The following SIX5 variants were observed in gnomAD, a reference collection of about 807,000 sequenced individuals.
SIX5 encodes the protein homeobox protein SIX5.
Under a neutral mutation model 37.1 loss-of-function variants are expected in SIX5, and 21 were observed. The observed-to-expected ratio is 0.57, with a 90% confidence interval of 0.40 to 0.81. The LOEUF is 0.81. Among genes scored for constraint, SIX5 ranks in the 40% least tolerant of loss-of-function variants. The probability of loss-of-function intolerance (pLI) is 0.00; values close to 1 mark genes in which losing one functional copy is unlikely to be tolerated. For missense variants in SIX5, 1,137 were observed against 1,025.1 expected, an observed-to-expected ratio of 1.11 and a Z score of -1.49; for synonymous variants, 626 against 505.9, an observed-to-expected ratio of 1.24 and a Z score of -3.19.
At position 45,768,310 on chromosome 19, in the gene SIX5, C is replaced by G. The variant is rs765059330; in HGVS notation, c.535G>C (p.Ala179Pro). ...YHEAERARGR[A>P]LGAVDKYRLR... is the part of the protein sequence containing the mutation. The stretch of plus-strand genomic sequence containing the variant: ...CGATACTTGTCCACTGCGCCAAGCG[C>G]GCGGCCGCGGGCCCGCTCGGCCTCA... Residue 179 changes from alanine (A) to proline (P), a missense_variant, in exon 1 of 3, where the codon GCG becomes CCG. Physicochemically the swap from Ala to Pro is conservative, Grantham distance 27 (BLOSUM62 -1). Around this residue, in one of 3 missense-constraint regions of SIX5, gnomAD observed 331 missense variants for 360.9 expected, o/e 0.92. Coordinates refer to ENST00000317578, the MANE Select transcript of SIX5 (RefSeq NM_175875.5). 12 of 1,609,616 alleles carry G rather than the reference C, an allele frequency of 7.5e-6. No individual in the cohort carries two copies. Among genetic ancestry groups the G allele is most frequent in the Non-Finnish European group, 1.0e-5 (12 of 1,178,442 alleles).
Position 45,768,538 on chromosome 19 carries a change from G to C in SIX5, c.307C>G (p.His103Asp), listed in dbSNP as rs1490008484. ...CVCEALLQAGHAGRLSRFLGA... is the reference protein window; with the variant it reads ...CVCEALLQAGDAGRLSRFLGA... ...AGGAAGCGGCTCAAGCGGCCGGCGT[G>C]GCCCGCCTGGAGCAGCGCCTCGCAG... The change falls in exon 1 of 3, where the codon CAC becomes GAC. Residue 103 changes from histidine to aspartate, a missense_variant. Transcript: ENST00000317578. 2 of 1,419,910 alleles carry C rather than the reference G, an allele frequency of 1.4e-6. No individual in the cohort carries two copies. The highest frequency in any genetic ancestry group is 3.0e-5 in the African/African-American group (2 of 66,158). The allele number at this position is 1,419,910 out of a possible 1,614,324, so 88.0% of individuals were successfully genotyped here.
Position 45,769,089 on chromosome 19 carries a change from T to C in SIX5, c.-245A>G. ...TCTCCCTTTGTTTTCCCTCCGCCTC[T>C]GGCCGCGCTTTCTGCCTCCCCCCAG... On this transcript the variant is annotated 5_prime_UTR_variant, in exon 1 of 3. Transcript: ENST00000317578. The C allele has an allele frequency of 2.2e-6, 1 of 452,926 alleles. No individual in the cohort carries two copies. The highest frequency in any genetic ancestry group is 3.9e-6 in the Non-Finnish European group (1 of 253,286). 28.1% of individuals were successfully genotyped at this position (452,926 alleles called of 1,614,324 possible).
intron 1 of SIX5, 53 bp downstream of exon 1, chr19:45,767,989 G>T: frequency 1.9e-6 from 3 of 1,557,694 alleles, no homozygotes; most frequent in Non-Finnish European, 1.7e-6. Context: ...AAGAGGGCTG[G>T]TGGACGGGAT....
chr19:45,767,492 G>A (rs1969102298), intron 1 of SIX5, among the ~76,000 whole-genome samples: 1 of 152,254 alleles, frequency 6.6e-6, no homozygotes, highest in Admixed American at 6.5e-5. Context: ...CGCCAGCCCA[G>A]TTCCCGGTGC....
Position 45,768,197 on chromosome 19 carries a change from G to C in SIX5, c.648C>G (p.Leu216=). 1 of 1,613,200 alleles carries C rather than the reference G, an allele frequency of 6.2e-7. No homozygotes were observed. The highest frequency in any genetic ancestry group is 1.7e-5 in the Admixed American group (1 of 59,970). The change falls in exon 1 of 3, where the codon CTC becomes CTG. Residue 216 remains leucine, a synonymous_variant. Transcript: ENST00000317578. Reference sequence around the variant, plus strand: ...AGCGGTTGCCGCGGTAGCAGGCCTTGAGCGCTGCGCGGGAGCGCTCCTTGA... The same window carrying C: ...AGCGGTTGCCGCGGTAGCAGGCCTTCAGCGCTGCGCGGGAGCGCTCCTTGA... ...YCFKERSRAA[L]KACYRGNRYP...
In SIX5 at chr19:45,768,654, G is replaced by C; in HGVS notation, c.191C>G (p.Pro64Arg). 1 of 1,128,358 alleles carries C rather than the reference G, an allele frequency of 8.9e-7. No homozygotes were observed. Among genetic ancestry groups the C allele is most frequent in the Non-Finnish European group, 1.1e-6 (1 of 922,756 alleles). 69.9% of individuals were successfully genotyped at this position (1,128,358 alleles called of 1,614,324 possible). A position where few individuals can be genotyped will look rare whatever the true frequency, so the allele number is the denominator to read the frequency against. The change falls in exon 1 of 3, where the codon CCG (proline) becomes CGG (arginine). Residue 64 changes from proline to arginine, a missense_variant. This residue lies in a region of SIX5 where 331 missense variants were observed against 360.9 expected (regional missense o/e 0.92). Transcript: ENST00000317578. Reference protein sequence around the residue: ...AGAAAAGAEGPGSPGVPGSPP... With the variant: ...AGAAAAGAEGRGSPGVPGSPP... ...CGACCCGGGGACGCCCGGGGATCCC[G>C]GGCCCTCAGCTCCCGCAGCCGCTGC...
In SIX5 at chr19:45,764,997, C is replaced by A. The variant is rs1969037453; in HGVS notation, c.*504G>T. The A allele has an allele frequency of 9.6e-6, 2 of 209,112 alleles. No individual in the cohort carries two copies. Among genetic ancestry groups the A allele is most frequent in the South Asian group, 1.7e-4 (2 of 11,926 alleles). 13.0% of individuals were successfully genotyped at this position (209,112 alleles called of 1,614,324 possible). A position where few individuals can be genotyped will look rare whatever the true frequency, so the allele number is the denominator to read the frequency against. ...CCGTCTCCCCACAGCTGCCCCACCCCCCGCCCCTGGCAGGAAATGCCACAC... is the reference window on the plus strand; with the variant it reads ...CCGTCTCCCCACAGCTGCCCCACCCACCGCCCCTGGCAGGAAATGCCACAC... On this transcript the variant is annotated 3_prime_UTR_variant, in exon 3 of 3. Coordinates refer to ENST00000317578, the MANE Select transcript of SIX5 (RefSeq NM_175875.5).
chr19:45,766,031 T>G lies in SIX5; in HGVS notation c.1690A>C (p.Thr564Pro), dbSNP rs755382476. The change falls in exon 3 of 3, where the codon ACC becomes CCC. Residue 564 changes from threonine to proline, a missense_variant. Physicochemically the swap from Thr to Pro is conservative, Grantham distance 38. Coordinates refer to ENST00000317578, the MANE Select transcript of SIX5 (RefSeq NM_175875.5). ...VALQQGKIILTATFPTSMLVS... is the reference protein window; with the variant it reads ...VALQQGKIILPATFPTSMLVS... ...AGCATGCTGGTGGGGAAGGTGGCGGTGAGGATGATCTTGCCCTGCTGCAGG... is the reference window on the plus strand; with the variant it reads ...AGCATGCTGGTGGGGAAGGTGGCGGGGAGGATGATCTTGCCCTGCTGCAGG... 1 of 1,610,100 alleles carries G rather than the reference T, an allele frequency of 6.2e-7. No individual in the cohort carries two copies. The highest frequency in any genetic ancestry group is 1.7e-5 in the Admixed American group (1 of 59,522).
intron 1 of SIX5, among the ~76,000 whole-genome samples, chr19:45,767,471 G>T (rs965788943): frequency 2.0e-5 from 3 of 152,206 alleles, no homozygotes; most frequent in Non-Finnish European, 4.4e-5. Flanking sequence ...CTGGAGAGAG[G>T]GAGCAGCAGC....
intron 1 of SIX5, 108 bp downstream of exon 1, chr19:45,767,934 T>G: frequency 8.5e-7 from 1 of 1,178,114 alleles, no homozygotes; most frequent in Non-Finnish European, 1.2e-6. Flanking sequence ...TCCCGGGAGA[T>G]GTCCGAGGAC....
Position 45,766,570 on chromosome 19 carries a change from G to C in SIX5, c.1389C>G (p.Pro463=). 2 of 1,474,178 alleles carry C rather than the reference G, an allele frequency of 1.4e-6. No homozygotes were observed. Among genetic ancestry groups the C allele is most frequent in the Non-Finnish European group, 1.8e-6 (2 of 1,106,292 alleles). 91.3% of individuals were successfully genotyped at this position (1,474,178 alleles called of 1,614,324 possible). A position where few individuals can be genotyped will look rare whatever the true frequency, so the allele number is the denominator to read the frequency against. The part of the protein sequence containing the change: ...VVPLSPPPGY[P]TGLSPTSPLL... ...GTGGGGAGGTGGGGCTCAGGCCCGTGGGATACCCCGGGGGTGGGGAGAGCG... is the reference window on the plus strand; with the variant it reads ...GTGGGGAGGTGGGGCTCAGGCCCGTCGGATACCCCGGGGGTGGGGAGAGCG... Residue 463 remains proline, a synonymous_variant, in exon 2 of 3, where the codon CCC becomes CCG. Coordinates refer to ENST00000317578, the MANE Select transcript of SIX5 (RefSeq NM_175875.5).
At position 45,766,664 on chromosome 19, in the gene SIX5, G is replaced by A. The variant is rs1486370661; in HGVS notation, c.1295C>T (p.Pro432Leu). ...LGPLAQVVPGPPTAATFPLPP... is the reference protein window; with the variant it reads ...LGPLAQVVPGLPTAATFPLPP... Reference sequence around the variant, plus strand: ...CAGAGGAAAGGTGGCAGCCGTCGGGGGGCCAGGCACCACTTGGGCCAGGGG... The same window carrying A: ...CAGAGGAAAGGTGGCAGCCGTCGGGAGGCCAGGCACCACTTGGGCCAGGGG... The change falls in exon 2 of 3, where the codon CCC (proline) becomes CTC (leucine). Residue 432 changes from proline to leucine, a missense_variant. Around this residue, in one of 3 missense-constraint regions of SIX5, gnomAD observed 787 missense variants for 621.4 expected, o/e 1.27. Coordinates refer to ENST00000317578, the MANE Select transcript of SIX5 (RefSeq NM_175875.5). The A allele has an allele frequency of 2.0e-6, 3 of 1,491,144 alleles. No homozygotes were observed. The highest frequency in any genetic ancestry group is 1.8e-6 in the Non-Finnish European group (2 of 1,119,310). 92.4% of individuals were successfully genotyped at this position (1,491,144 alleles called of 1,614,324 possible).
chr19:45,766,175 T>G (rs1294060849), intron 2 of SIX5, 64 bp from the exon 3 acceptor site: 15 of 1,568,164 alleles, frequency 9.6e-6, no homozygotes, highest in Admixed American at 1.8e-5. Context: ...CAGAGAGAAG[T>G]GGAGACTGTG....
intron 2 of SIX5, 118 bp from the exon 3 acceptor site, chr19:45,766,229 G>A (rs994800822): frequency 1.5e-5 from 22 of 1,496,902 alleles, no homozygotes; most frequent in Non-Finnish European, 1.9e-5. Context: ...GGGCCTTGGG[G>A]CACTGGGACT....
chr19:45,766,197 C>CG (rs894898494), intron 2 of SIX5, 86 bp from the exon 3 acceptor site: 15 of 1,527,032 alleles, frequency 9.8e-6, no homozygotes, highest in Non-Finnish European at 1.3e-5. Flanking sequence ...AGCTGGAGGG[C>CG]GGGCGGAGGG....
rs748549122 is a variant in SIX5 at position 45,768,337 on chromosome 19, G to A, written c.508C>T (p.His170Tyr). ...LQDLYLRARY[H>Y]EAERARGRAL... The stretch of plus-strand genomic sequence containing the variant: ...CGGCCGCGGGCCCGCTCGGCCTCAT[G>A]GTAGCGCGCGCGCAGGTAGAGGTCC... The change falls in exon 1 of 3, where the codon CAT becomes TAT. Residue 170 changes from histidine to tyrosine, a missense_variant. By Grantham distance (83) the His-to-Tyr change is moderately conservative. Coordinates refer to ENST00000317578, the MANE Select transcript of SIX5 (RefSeq NM_175875.5). 5 of 1,602,870 alleles carry A rather than the reference G, an allele frequency of 3.1e-6. No individual in the cohort carries two copies. The highest frequency in any genetic ancestry group is 2.2e-5 in the South Asian group (2 of 89,918).
At position 45,768,359 on chromosome 19, in the gene SIX5, G is replaced by A. The variant is rs774394090; in HGVS notation, c.486C>T (p.Asp162=). 2.0e-5 allele frequency: 32 copies of A among 1,596,352 alleles called. No homozygotes were observed. The highest frequency in any genetic ancestry group is 1.5e-4 in the Admixed American group (9 of 58,256). The change falls in exon 1 of 3, where the codon GAC becomes GAT. Residue 162 remains aspartate (D), a synonymous_variant. Coordinates refer to ENST00000317578, the MANE Select transcript of SIX5 (RefSeq NM_175875.5). ...FPAAHHAFLQ[D]LYLRARYHEA... ...CATGGTAGCGCGCGCGCAGGTAGAG[G>A]TCCTGCAGGAAGGCGTGGTGGGCGG...
chr19:45,766,462 G>A lies in SIX5; in HGVS notation c.1497C>T (p.Ala499=), dbSNP rs372106524. The A allele has an allele frequency of 4.0e-5, 61 of 1,536,420 alleles. No homozygotes were observed. The East Asian group carries it at 7.1e-4, about 18-fold the overall frequency. The stretch of plus-strand genomic sequence containing the variant: ...CCACCTTCACAGGGCTGCCTGGCCC[G>A]GCTGCCAACAGCTGCAGGGGCCCCA... ...QAVGPLQLLA[A]GPGSPVKVAA... The change falls in exon 2 of 3, where the codon GCC becomes GCT. Residue 499 remains alanine, a synonymous_variant. Transcript: ENST00000317578.
At chr19:45,767,553 G>C (rs572061790) in intron 1 of SIX5, among the ~76,000 whole-genome samples, 1 of 152,198 alleles carries the variant, frequency 6.6e-6, no homozygotes. Flanking sequence ...AGGGTGGGAG[G>C]AGAAGGGTTT....
Sources: allele counts gnomAD v4.1 joint callset (sites outside exome capture counted in the v4.1 genomes callset), GRCh38; gene constraint gnomAD v4.1.1; regional missense constraint gnomAD v4.1.1; transcripts MANE v1.5; gene names NCBI Gene and HGNC (gene_info 2026-07-23, HGNC 2026-07-21).